SCN8A: variants seen among roughly 807,000 people sequenced by gnomAD.
The protein encoded by SCN8A is sodium channel protein type 8 subunit alpha.
In SCN8A, 30 loss-of-function variants were observed where a neutral mutation model predicts 184.1. That is an observed-to-expected ratio of 0.16 (90% CI 0.12 to 0.22). The LOEUF is 0.22. SCN8A is among the 10% of genes least tolerant of loss of function. The pLI, the probability that SCN8A is intolerant of heterozygous loss-of-function variation, is 1.00. For missense variants in SCN8A, 1,057 were observed against 2,498.9 expected (o/e 0.42, Z 12.30); for synonymous variants, 852 against 907.0 (o/e 0.94, Z 1.09).
At chr12:51,766,988 CT>C (rs1023761704) in intron 16 of SCN8A, among the ~76,000 whole-genome samples, 9 of 152,170 alleles carry the variant, frequency 5.9e-5, no homozygotes, top group African/African-American at 2.2e-4. Context: ...AGTTCTCTTC[CT>C]TTTTCTGCCA....
At chr12:51,631,451 G>T (rs185388335) in intron 1 of SCN8A, among the ~76,000 whole-genome samples, 2 of 152,170 alleles carry the variant, frequency 1.3e-5, no homozygotes, top group African/African-American at 4.8e-5. Flanking sequence ...TATTCTTGTG[G>T]TCCAGCCACT....
At chr12:51,729,367 C>G (rs573397662) in intron 12 of SCN8A, among the ~76,000 whole-genome samples, 101 of 152,308 alleles carry the variant, frequency 6.6e-4, no homozygotes, top group African/African-American at 2.3e-3. Context: ...GCAACCACTT[C>G]TGACTCGTAT....
intron 16 of SCN8A, 96 bp downstream of exon 16, chr12:51,766,123 ACCCGT>A: frequency 1.1e-6 from 1 of 942,798 alleles, no homozygotes; most frequent in Non-Finnish European, 1.7e-6. Flanking sequence ...TCCTTCTACT[ACCCGT>A]CATGTTTGTT....
chr12:51,666,544 T>A (rs1424346677), intron 2 of SCN8A, among the ~76,000 whole-genome samples: 13 of 152,212 alleles, frequency 8.5e-5, no homozygotes, highest in African/African-American at 2.9e-4. Context: ...CCTTTCTGTT[T>A]GTTCTTCAAG....
intron 6 of SCN8A, among the ~76,000 whole-genome samples, chr12:51,692,726 C>T (rs1941532281): frequency 6.6e-6 from 1 of 152,226 alleles, no homozygotes; most frequent in African/African-American, 2.4e-5. Flanking sequence ...TTCTAAGTGA[C>T]TCTGTCAGAA....
chr12:51,735,906 G>A (rs1344741615), intron 12 of SCN8A, among the ~76,000 whole-genome samples: 1 of 152,140 alleles, frequency 6.6e-6, no homozygotes, highest in East Asian at 1.9e-4. Context: ...GCACCTTTTT[G>A]TTATTGGCTC....
At chr12:51,703,905 C>CTTTT (rs536843133) in intron 9 of SCN8A, among the ~76,000 whole-genome samples, 3 of 146,962 alleles carry the variant, frequency 2.0e-5, no homozygotes, top group African/African-American at 7.5e-5. Context: ...GATGCTGTTT[C>CTTTT]TTTTTTTTTT....
In SCN8A at chr12:51,703,509, C is replaced by T. The variant is rs146850544; in HGVS notation, c.1134+595C>T. 2.9e-3 allele frequency among the ~76,000 whole-genome samples: 434 copies of T among 152,266 alleles called. 2 individuals carry two copies. The highest frequency in any genetic ancestry group is 0.01 in the African/African-American group (417 of 41,538). ...ATATAGATGGAATTTCCATAAGGAC[C>T]TTGGAGTATATCAACATTTTTGAGA... is the stretch of plus-strand genomic sequence containing the variant. On this transcript the variant is annotated intron_variant, in intron 9 of 26. Coordinates refer to ENST00000627620, the MANE Select transcript of SCN8A (RefSeq NM_001330260.2).
intron 16 of SCN8A, chr12:51,768,075 T>C (rs1592150937): frequency 6.6e-6 from 1 of 152,312 alleles, no homozygotes; most frequent in South Asian, 2.1e-4. Context: ...ATGACTGTTA[T>C]CTCCTCCTAA....
intron 19 of SCN8A, among the ~76,000 whole-genome samples, chr12:51,773,437 G>A (rs1942960253): frequency 6.6e-6 from 1 of 152,214 alleles, no homozygotes; most frequent in Non-Finnish European, 1.5e-5. Flanking sequence ...TCTCCCACCT[G>A]TATGACCCTC....
rs941184951 is a variant in SCN8A, at chr12:51,765,835, G to A, written c.2709G>A (p.Glu903=). ...GMQLFGKSYK[E]CVCKINQDCE... ...AACTCTTTGGAAAAAGCTACAAAGA[G>A]TGTGTCTGCAAGATCAACCAGGACT... The change falls in exon 16 of 27, where the codon GAG becomes GAA. Residue 903 remains glutamate, a synonymous_variant. Transcript: ENST00000627620. The A allele has an allele frequency of 3.1e-6, 5 of 1,613,944 alleles. No homozygotes were observed. Among genetic ancestry groups the A allele is most frequent in the Non-Finnish European group, 4.2e-6 (5 of 1,179,992 alleles).
At position 51,807,935 on chromosome 12, in the gene SCN8A, T is replaced by A. The variant is rs1448308764; in HGVS notation, c.*506T>A. ...CCCATGTCATTTAATTGTCAGTTTCTTTGACATAAAGCGCATCTTCTCCAC... is the reference window on the plus strand; with the variant it reads ...CCCATGTCATTTAATTGTCAGTTTCATTGACATAAAGCGCATCTTCTCCAC... On this transcript the variant is annotated 3_prime_UTR_variant, in exon 27 of 27. Transcript: ENST00000627620. This position sits in a 1 kb window ranked among gnomAD's most constrained non-coding sequence, Gnocchi z 4.5. 5.9e-6 allele frequency: 1 copy of A among 170,168 alleles called. No individual in the cohort carries two copies. Among genetic ancestry groups the A allele is most frequent in the African/African-American group, 2.4e-5 (1 of 41,578 alleles). The allele number at this position is 170,168 out of a possible 1,614,324, so 10.5% of individuals were successfully genotyped here. A position where few individuals can be genotyped will look rare whatever the true frequency, so the allele number is the denominator to read the frequency against.
intron 1 of SCN8A, among the ~76,000 whole-genome samples, chr12:51,595,046 T>C (rs1439211477): frequency 6.6e-6 from 1 of 152,202 alleles, no homozygotes; most frequent in Non-Finnish European, 1.5e-5. Context: ...ATTTAGCACA[T>C]TAACTGAGGA....
intron 16 of SCN8A, among the ~76,000 whole-genome samples, chr12:51,767,518 G>A (rs1354524380): frequency 6.6e-6 from 1 of 151,940 alleles, no homozygotes; most frequent in African/African-American, 2.4e-5. Context: ...TTTCTTCATA[G>A]TATCTAAGAT....
intron 11 of SCN8A, among the ~76,000 whole-genome samples, chr12:51,710,922 C>T (rs1941864723): frequency 6.6e-6 from 1 of 152,146 alleles, no homozygotes; most frequent in East Asian, 1.9e-4. Context: ...TGCTCATATC[C>T]TCTTCTCTCT....
At chr12:51,645,972 T>A (rs1326891164) in intron 1 of SCN8A, among the ~76,000 whole-genome samples, 7 of 84,528 alleles carry the variant, frequency 8.3e-5, no homozygotes, top group South Asian at 3.4e-4. Flanking sequence ...AAAATAATAA[T>A]AAAATAAAAT....
At chr12:51,678,236 T>C (rs1941259811) in intron 2 of SCN8A, among the ~76,000 whole-genome samples, 1 of 152,158 alleles carries the variant, frequency 6.6e-6, no homozygotes, top group African/African-American at 2.4e-5. Context: ...GTAGGGGAGA[T>C]AGTGCAGGGA....
At chr12:51,759,978 A>G (rs79545193) in intron 14 of SCN8A, among the ~76,000 whole-genome samples, 1,641 of 152,306 alleles carry the variant, frequency 0.011, 24 homozygotes, top group African/African-American at 0.036. Context: ...TTTATCACAA[A>G]GCCCACTATT....
At chr12:51,708,804 C>T (rs559445396) in intron 11 of SCN8A, among the ~76,000 whole-genome samples, 2 of 152,122 alleles carry the variant, frequency 1.3e-5, no homozygotes, top group Non-Finnish European at 2.9e-5. Flanking sequence ...CAACAGATTA[C>T]GTCCTAAAAT....
Sources: gnomAD v4.1 joint callset for allele counts (sites outside exome capture counted in the v4.1 genomes callset) on GRCh38, gnomAD v4.1.1 for gene constraint, Gnocchi (gnomAD v3.1) non-coding constraint, MANE v1.5 for transcripts, NCBI Gene and HGNC (gene_info 2026-07-23, HGNC 2026-07-21) for gene names.